Variants in DMD observed in about 807,000 individuals in gnomAD.
The protein encoded by DMD is dystrophin.
In DMD, 63 loss-of-function variants were observed where a neutral mutation model predicts 330.1. That is an observed-to-expected ratio of 0.19 (90% CI 0.16 to 0.24). The LOEUF is 0.24. Among genes scored for constraint, DMD ranks in the 10% least tolerant of loss-of-function variants. The probability of loss-of-function intolerance (pLI) is 1.00; values close to 1 mark genes in which losing one functional copy is unlikely to be tolerated. For missense variants in DMD, 3,344 were observed against 2,684.1 expected (o/e 1.25, Z -5.43); for synonymous variants, 1,223 against 959.8 (o/e 1.27, Z -5.07).
intron 52 of DMD, among the ~76,000 whole-genome samples, chrX:31,724,953 A>G (rs1036544795): frequency 4.5e-5 from 5 of 112,222 alleles, no homozygotes; most frequent in African/African-American, 1.6e-4. Context: ...TTGATTAGAC[A>G]CTCAAATACA....
intron 7 of DMD, among the ~76,000 whole-genome samples, chrX:32,788,392 G>T (rs2075568523): frequency 8.9e-6 from 1 of 111,753 alleles, no homozygotes; most frequent in Non-Finnish European, 1.9e-5. Context: ...CGTTGTCCTA[G>T]CAGCTATATG....
At chrX:33,336,519 GA>G (rs1016973098) in intron 1 of DMD, among the ~76,000 whole-genome samples, 2 of 109,825 alleles carry the variant, frequency 1.8e-5, no homozygotes, top group African/African-American at 3.3e-5. Context: ...AAATAAGGGA[GA>G]TTTTTTTACT....
intron 2 of DMD, among the ~76,000 whole-genome samples, chrX:32,984,102 A>T (rs758753225): frequency 8.9e-6 from 1 of 111,878 alleles, no homozygotes; most frequent in South Asian, 3.7e-4. Flanking sequence ...GTTCTCAGCC[A>T]TAATTAATAC....
At chrX:32,763,730 C>T (rs1226094973) in intron 7 of DMD, among the ~76,000 whole-genome samples, 3 of 111,725 alleles carry the variant, frequency 2.7e-5, no homozygotes, top group Non-Finnish European at 5.7e-5. Context: ...ATCAATTTTA[C>T]GTCAAATTCC....
intron 44 of DMD, among the ~76,000 whole-genome samples, chrX:32,148,261 A>G (rs1477506952): frequency 1.8e-5 from 2 of 111,530 alleles, no homozygotes; most frequent in East Asian, 2.8e-4. Context: ...AGAAGACTCA[A>G]TTAATCCATG....
At chrX:32,843,362 G>A (rs951184541) in intron 4 of DMD, among the ~76,000 whole-genome samples, 1 of 111,969 alleles carries the variant, frequency 8.9e-6, no homozygotes, top group Non-Finnish European at 1.9e-5. Flanking sequence ...TTTCCAAAGA[G>A]TCCATCGGAC....
intron 7 of DMD, among the ~76,000 whole-genome samples, chrX:32,731,495 C>A (rs2067641073): frequency 8.9e-6 from 1 of 112,724 alleles, no homozygotes; most frequent in Non-Finnish European, 1.9e-5. Context: ...GTAACCTCTG[C>A]AGATTTAAAT....
At chrX:31,337,311 G>A (rs1188778451) in intron 61 of DMD, among the ~76,000 whole-genome samples, 1 of 111,548 alleles carries the variant, frequency 9.0e-6, no homozygotes, top group Non-Finnish European at 1.9e-5. Context: ...AGGAGACATA[G>A]CACATAACAG....
intron 7 of DMD, among the ~76,000 whole-genome samples, chrX:32,770,390 A>G (rs757419944): frequency 3.6e-5 from 4 of 111,928 alleles, no homozygotes; most frequent in Non-Finnish European, 7.5e-5. Context: ...ATAGAAAACT[A>G]CATTTACAAT....
At chrX:33,047,648 A>G (rs2094401408) in intron 1 of DMD, among the ~76,000 whole-genome samples, 1 of 112,550 alleles carries the variant, frequency 8.9e-6, no homozygotes, top group Non-Finnish European at 1.9e-5. Flanking sequence ...TTGTCTTATT[A>G]TTACCATATA....
chrX:31,348,392 T>G, intron 61 of DMD, 164 bp downstream of exon 61: 1 of 538,645 alleles, frequency 1.9e-6, no homozygotes, highest in Middle Eastern at 4.9e-4. Flanking sequence ...CTTCCTAACC[T>G]TCTCAACTTA....
intron 76 of DMD, among the ~76,000 whole-genome samples, chrX:31,142,177 A>T (rs1248272814): frequency 8.9e-6 from 1 of 112,121 alleles, no homozygotes; most frequent in Non-Finnish European, 1.9e-5. Flanking sequence ...TTGAATTTAA[A>T]TTCTACATTA....
chrX:32,085,664 G>GCGTGTGTA (rs1569541217), intron 44 of DMD, among the ~76,000 whole-genome samples: 15 of 58,306 alleles, frequency 2.6e-4, no homozygotes, highest in African/African-American at 3.3e-4. Context: ...GTATATATAC[G>GCGTGTGTA]TATATATACA....
intron 62 of DMD, among the ~76,000 whole-genome samples, chrX:31,271,319 G>C (rs2051613709): frequency 9.0e-6 from 1 of 111,656 alleles, no homozygotes; most frequent in South Asian, 3.9e-4. Context: ...GAAGATGTCT[G>C]AATTGGAGCT....
At chrX:31,803,676 T>TTCTCTCTCTCTC (rs747729240) in intron 50 of DMD, among the ~76,000 whole-genome samples, 3 of 87,757 alleles carry the variant, frequency 3.4e-5, no homozygotes, top group African/African-American at 1.3e-4. Context: ...CTTTCTCTGT[T>TTCTCTCTCTCTC]TCTCTCTCTC....
Position 32,474,200 on chromosome X carries a change from T to TACACACACACAC in DMD, c.2804-1892_2804-1891insGTGTGTGTGTGT, listed in dbSNP as rs770330585. On this transcript the variant is annotated intron_variant, in intron 21 of 78. Coordinates refer to ENST00000357033, the MANE Select transcript of DMD (RefSeq NM_004006.3). The stretch of plus-strand genomic sequence containing the variant: ...TGAGTAGTATTCCATCATATATACA[T>TACACACACACAC]ACATACATACACACACACACACACA... Among the ~76,000 whole-genome samples the TACACACACACAC allele has an allele frequency of 2.0e-3, 212 of 104,932 alleles. 1 individual carries two copies. The highest frequency in any genetic ancestry group is 5.1e-3 in the African/African-American group (136 of 26,840). 91.1% of individuals were successfully genotyped at this position (104,932 alleles called of 115,157 possible). A position where few individuals can be genotyped will look rare whatever the true frequency, so the allele number is the denominator to read the frequency against.
At chrX:31,544,387 T>C (rs1569550592) in intron 55 of DMD, among the ~76,000 whole-genome samples, 1 of 108,922 alleles carries the variant, frequency 9.2e-6, no homozygotes, top group Non-Finnish European at 1.9e-5. Flanking sequence ...GGCAGCTTGG[T>C]ATTTGAGAAG....
At chrX:32,723,834 C>T (rs2066582056) in intron 7 of DMD, among the ~76,000 whole-genome samples, 1 of 108,970 alleles carries the variant, frequency 9.2e-6, no homozygotes, top group African/African-American at 3.3e-5. Context: ...TTATCTTAGG[C>T]CACACCTAAA....
chrX:32,270,592 C>A (rs331349), intron 43 of DMD, among the ~76,000 whole-genome samples: 1 of 110,368 alleles, frequency 9.1e-6, no homozygotes, highest in Non-Finnish European at 1.9e-5. Flanking sequence ...GGATATGCCA[C>A]GTGACTTGCT....
Sources: allele counts gnomAD v4.1 joint callset (sites outside exome capture counted in the v4.1 genomes callset), GRCh38; gene constraint gnomAD v4.1.1; transcripts MANE v1.5; gene names NCBI Gene and HGNC (gene_info 2026-07-23, HGNC 2026-07-21).